The following PDSS2 variants were observed in gnomAD, a reference collection of about 807,000 sequenced individuals.
The protein encoded by PDSS2 is decaprenyl diphosphate synthase subunit 2.
In PDSS2, 31 loss-of-function variants were observed where a neutral mutation model predicts 44.5. The ratio of observed to expected loss-of-function variants is 0.70; its 90% CI spans 0.52 to 0.94. PDSS2 has a LOEUF of 0.94. Ranked by LOEUF, PDSS2 falls within the 40% of genes least tolerant of loss-of-function variation. The pLI is 0.00. For missense variants in PDSS2, 452 were observed against 482.2 expected (o/e 0.94, Z 0.59); for synonymous variants, 157 against 180.3 (o/e 0.87, Z 1.03).
intron 2 of PDSS2, 140 bp downstream of exon 2, chr6:107,334,058 A>G (rs1777795880): frequency 1.3e-6 from 1 of 793,354 alleles, no homozygotes. Context: ...ATTATGAACA[A>G]TAAAAATCCA....
intron 1 of PDSS2, among the ~76,000 whole-genome samples, chr6:107,371,146 C>T (rs1166556118): frequency 6.6e-6 from 1 of 151,096 alleles, no homozygotes; most frequent in Non-Finnish European, 1.5e-5. Flanking sequence ...CACCACTGCT[C>T]TCCAGCCTGG....
At chr6:107,171,270 T>A (rs541380939) in intron 7 of PDSS2, among the ~76,000 whole-genome samples, 1 of 152,156 alleles carries the variant, frequency 6.6e-6, no homozygotes, top group East Asian at 1.9e-4. Flanking sequence ...TGAGCCATCC[T>A]CTCACTTTAG....
chr6:107,178,901 A>G (rs1219538071), intron 7 of PDSS2, among the ~76,000 whole-genome samples: 1 of 152,210 alleles, frequency 6.6e-6, no homozygotes, highest in East Asian at 1.9e-4. Flanking sequence ...TGAAGTCAGC[A>G]GACCTGAGTA....
At chr6:107,215,230 G>T (rs1773371864) in intron 4 of PDSS2, among the ~76,000 whole-genome samples, 1 of 152,028 alleles carries the variant, frequency 6.6e-6, no homozygotes, top group South Asian at 2.1e-4. Flanking sequence ...AAAATGTCCA[G>T]AATAAAATAG....
intron 1 of PDSS2, among the ~76,000 whole-genome samples, chr6:107,418,979 T>C (rs1780746393): frequency 6.6e-6 from 1 of 152,118 alleles, no homozygotes; most frequent in Admixed American, 6.5e-5. Flanking sequence ...GATGAAAACA[T>C]ATTTTGCTTC....
At chr6:107,221,980 A>G (rs1192104975) in intron 4 of PDSS2, among the ~76,000 whole-genome samples, 1 of 152,224 alleles carries the variant, frequency 6.6e-6, no homozygotes, top group African/African-American at 2.4e-5. Context: ...TTAAAAAAGT[A>G]TGCAAATGTC....
intron 1 of PDSS2, among the ~76,000 whole-genome samples, chr6:107,448,687 C>T (rs1176235916): frequency 6.6e-6 from 1 of 152,212 alleles, no homozygotes; most frequent in East Asian, 1.9e-4. Context: ...GTCGCTTCCA[C>T]ATTTTCAGAT....
chr6:107,224,911 T>A (rs1172974341), intron 4 of PDSS2, among the ~76,000 whole-genome samples: 1 of 150,286 alleles, frequency 6.7e-6, no homozygotes, highest in Non-Finnish European at 1.5e-5. Context: ...TTCTGGCTCA[T>A]GGTTTCTCGT....
chr6:107,166,920 A>T (rs556124667), intron 7 of PDSS2, among the ~76,000 whole-genome samples: 2 of 152,134 alleles, frequency 1.3e-5, no homozygotes, highest in South Asian at 2.1e-4. Context: ...TTCATCAGGG[A>T]TATTGGTCTA....
chr6:107,296,681 T>C (rs565891166), intron 2 of PDSS2, among the ~76,000 whole-genome samples: 8 of 152,184 alleles, frequency 5.3e-5, no homozygotes, highest in Admixed American at 3.9e-4. Context: ...GAGCCAAGAT[T>C]GTGCCATTGC....
In PDSS2 at chr6:107,445,188, T is replaced by TATA. The variant is rs1554282547; in HGVS notation, c.296+13801_296+13802insTAT. ...TATAATTTTTTATAAATTACATATT[T>TATA]TATATATATATATATTGCACAAGTG... is the stretch of plus-strand genomic sequence containing the variant. On this transcript the variant is annotated intron_variant, in intron 1 of 7. Transcript: ENST00000369037. 2.0e-4 allele frequency among the ~76,000 whole-genome samples: 30 copies of TATA among 149,888 alleles called. No individual in the cohort carries two copies. The East Asian group carries it at 5.6e-3, about 28-fold the overall frequency.
At chr6:107,445,808 A>G (rs1045118637) in intron 1 of PDSS2, among the ~76,000 whole-genome samples, 3 of 152,150 alleles carry the variant, frequency 2.0e-5, no homozygotes, top group Non-Finnish European at 4.4e-5. Context: ...TCCTTACTTC[A>G]TTGCTTAGGA....
intron 7 of PDSS2, among the ~76,000 whole-genome samples, chr6:107,178,166 A>G (rs534052234): frequency 2.6e-4 from 39 of 152,220 alleles, no homozygotes; most frequent in Non-Finnish European, 5.1e-4. Flanking sequence ...GATGAGTTTA[A>G]AACACATTTA....
At chr6:107,216,054 G>A (rs1404783457) in intron 4 of PDSS2, among the ~76,000 whole-genome samples, 3 of 150,038 alleles carry the variant, frequency 2.0e-5, no homozygotes, top group African/African-American at 7.4e-5. Context: ...GGAGAATGAC[G>A]TGAGCTTGGG....
chr6:107,357,062 A>G (rs139872333), intron 1 of PDSS2, among the ~76,000 whole-genome samples: 8 of 152,304 alleles, frequency 5.3e-5, no homozygotes, highest in African/African-American at 1.9e-4. Context: ...ATTAAAGAGA[A>G]TAAGTGTGTC....
intron 7 of PDSS2, among the ~76,000 whole-genome samples, chr6:107,170,556 A>C (rs1045307673): frequency 3.4e-5 from 5 of 149,144 alleles, no homozygotes; most frequent in Admixed American, 6.8e-5. Flanking sequence ...TGCATTGCTC[A>C]CGCTGGGAGC....
At chr6:107,341,537 G>C (rs1778079153) in intron 1 of PDSS2, among the ~76,000 whole-genome samples, 1 of 151,990 alleles carries the variant, frequency 6.6e-6, no homozygotes, top group Non-Finnish European at 1.5e-5. Context: ...TTTTAGGTGA[G>C]AGAGAAAAGA....
intron 1 of PDSS2, among the ~76,000 whole-genome samples, chr6:107,446,054 A>G (rs527297650): frequency 6.6e-6 from 1 of 152,274 alleles, no homozygotes; most frequent in African/African-American, 2.4e-5. Context: ...GCGGTGGCTC[A>G]TGCCTGTAAT....
Position 107,204,187 on chromosome 6 carries a change from C to G in PDSS2, c.1008+6252G>C, listed in dbSNP as rs146753442. Among the ~76,000 whole-genome samples, 256 of 152,138 alleles carry G rather than the reference C, an allele frequency of 1.7e-3. 1 individual carries two copies. Among genetic ancestry groups the G allele is most frequent in the Middle Eastern group, 6.8e-3 (2 of 294 alleles). On this transcript the variant is annotated intron_variant, in intron 6 of 7. Transcript: ENST00000369037. ...CGATCTCCTGACCTCGTGATCCGCC[C>G]CCCTCGGCTTCCCAAAGTGCTGGGA...
Sources: allele counts gnomAD v4.1 joint callset (sites outside exome capture counted in the v4.1 genomes callset), GRCh38; gene constraint gnomAD v4.1.1; transcripts MANE v1.5; gene names NCBI Gene and HGNC (gene_info 2026-07-23, HGNC 2026-07-21).